PPP2R1A: variants seen among roughly 807,000 people sequenced by gnomAD.
PPP2R1A encodes the protein serine/threonine-protein phosphatase 2A 65 kDa regulatory subunit A alpha isoform.
Under a neutral mutation model 67.1 loss-of-function variants are expected in PPP2R1A, and 15 were observed. The ratio of observed to expected loss-of-function variants is 0.22; its 90% CI spans 0.15 to 0.34. The LOEUF is 0.34. PPP2R1A is among the 10% of genes least tolerant of loss of function. The probability of loss-of-function intolerance (pLI) is 1.00; values close to 1 mark genes in which losing one functional copy is unlikely to be tolerated. For missense variants in PPP2R1A, 369 were observed against 775.0 expected (o/e 0.48, Z 6.22); for synonymous variants, 337 against 325.0 (o/e 1.04, Z -0.40).
chr19:52,224,370 T>G (rs530368817), intron 13 of PPP2R1A, among the ~76,000 whole-genome samples: 1 of 152,374 alleles, frequency 6.6e-6, no homozygotes, highest in East Asian at 1.9e-4. Flanking sequence ...ATGCCTCCTC[T>G]GGGCTCCTGG....
chr19:52,201,415 C>T (rs2089547736), intron 1 of PPP2R1A: 2 of 152,648 alleles, frequency 1.3e-5, no homozygotes, highest in Non-Finnish European at 2.9e-5. Context: ...AAATCCTGCT[C>T]CATGTGATCT....
chr19:52,208,070 A>G (rs1397465755), intron 3 of PPP2R1A, among the ~76,000 whole-genome samples: 1 of 152,156 alleles, frequency 6.6e-6, no homozygotes, highest in Non-Finnish European at 1.5e-5. Context: ...AAACCCAGAG[A>G]TGTGTCAGAC....
At chr19:52,197,995 TTAA>T (rs2089511521) in intron 1 of PPP2R1A, among the ~76,000 whole-genome samples, 1 of 152,372 alleles carries the variant, frequency 6.6e-6, no homozygotes, top group East Asian at 1.9e-4. Flanking sequence ...GATGTCCTTC[TTAA>T]TAATCTGAAC....
In PPP2R1A at chr19:52,219,561, G is replaced by A; in HGVS notation, c.1129-130G>A. ...GCCGTTAATGTGTTCCCAGAACGGG[G>A]AGCTGGGCTTGGACAGGAGTAGTCC... is the stretch of plus-strand genomic sequence containing the variant. On this transcript the variant is annotated intron_variant, in intron 9 of 14. Coordinates refer to ENST00000322088, the MANE Select transcript of PPP2R1A (RefSeq NM_014225.6). The surrounding 1 kb of genome is among the most constrained non-coding windows in gnomAD (Gnocchi z 4.0). The A allele has an allele frequency of 1.1e-6, 1 of 894,162 alleles. No individual in the cohort carries two copies. Among genetic ancestry groups the A allele is most frequent in the Non-Finnish European group, 1.6e-6 (1 of 609,884 alleles). 55.4% of individuals were successfully genotyped at this position (894,162 alleles called of 1,614,324 possible). A position where few individuals can be genotyped will look rare whatever the true frequency, so the allele number is the denominator to read the frequency against.
At chr19:52,190,328 C>A (rs112000537) in intron 1 of PPP2R1A, 154 bp downstream of exon 1, 16 of 865,460 alleles carry the variant, frequency 1.8e-5, no homozygotes, top group East Asian at 5.4e-5. Context: ...GCCCGGACTC[C>A]TTGAGACGGC....
chr19:52,217,251 T>G (rs1469656158), intron 9 of PPP2R1A, among the ~76,000 whole-genome samples: 1 of 152,226 alleles, frequency 6.6e-6, no homozygotes, highest in Admixed American at 6.5e-5. Context: ...CACACTGCAG[T>G]GCAGTGATGT....
intron 3 of PPP2R1A, among the ~76,000 whole-genome samples, chr19:52,208,182 T>G (rs1048219408): frequency 6.6e-6 from 1 of 152,152 alleles, no homozygotes; most frequent in East Asian, 1.9e-4. Context: ...TTTGTTTTTT[T>G]CCCGAGATGG....
chr19:52,201,688 C>T (rs1013549153), intron 1 of PPP2R1A: 3 of 484,996 alleles, frequency 6.2e-6, no homozygotes, highest in Non-Finnish European at 1.1e-5. Context: ...CTGGAAAGTG[C>T]AACTGAGTAG....
intron 2 of PPP2R1A, 65 bp from the exon 3 acceptor site, chr19:52,205,898 T>C (rs1600163519): frequency 7.4e-7 from 1 of 1,359,884 alleles, no homozygotes; most frequent in East Asian, 2.3e-5. Context: ...AGTCCATGTG[T>C]TCTGAGCTTG....
At chr19:52,204,310 G>A (rs1021989163) in intron 2 of PPP2R1A, among the ~76,000 whole-genome samples, 3 of 151,982 alleles carry the variant, frequency 2.0e-5, no homozygotes, top group Non-Finnish European at 2.9e-5. Context: ...AAAGAGTGTC[G>A]GGATTTCTTT....
rs1568598988 is a variant in PPP2R1A, at chr19:52,222,002, G to T, written c.1519-97G>T. The T allele has an allele frequency of 8.5e-6, 11 of 1,293,638 alleles. No homozygotes were observed. The South Asian group carries it at 1.5e-4, about 17-fold the overall frequency. The allele number at this position is 1,293,638 out of a possible 1,614,324, so 80.1% of individuals were successfully genotyped here. On this transcript the variant is annotated intron_variant, in intron 12 of 14. Coordinates refer to ENST00000322088, the MANE Select transcript of PPP2R1A (RefSeq NM_014225.6). The stretch of plus-strand genomic sequence containing the variant: ...ACCCGTATTGCTCAGCCTCTGTGGG[G>T]CCTGATGATCACCAGAGTGGCCTGG...
At position 52,212,719 on chromosome 19, in the gene PPP2R1A, C is replaced by G. The variant is rs201816987; in HGVS notation, c.537C>G (p.Pro179=). 1.1e-5 allele frequency: 18 copies of G among 1,614,102 alleles called. No homozygotes were observed. In the African/African-American group the frequency reaches 2.0e-4, roughly 18 times the overall value. ...YFRNLCSDDT[P]MVRRAAASKL... is the part of the protein sequence containing the mutation. ...GGAACCTGTGCTCAGATGACACCCC[C>G]ATGGTGCGGCGGGCCGCAGCCTCCA... Residue 179 remains proline (P), a synonymous_variant, in exon 5 of 15, where the codon CCC becomes CCG. Coordinates refer to ENST00000322088, the MANE Select transcript of PPP2R1A (RefSeq NM_014225.6). This position sits in a 1 kb window ranked among gnomAD's most constrained non-coding sequence, Gnocchi z 4.1.
intron 6 of PPP2R1A, among the ~76,000 whole-genome samples, chr19:52,214,937 G>T (rs910174066): frequency 1.3e-5 from 2 of 152,168 alleles, no homozygotes; most frequent in African/African-American, 4.8e-5. Flanking sequence ...TGTTGGCCAG[G>T]CTGGTCTCGA....
chr19:52,222,139 A>T lies in PPP2R1A; in HGVS notation c.1559A>T (p.His520Leu). Residue 520 changes from histidine to leucine, a missense_variant, in exon 13 of 15, where the codon CAC becomes CTC. By Grantham distance (99) the His-to-Leu change is moderately conservative. This residue lies in a region of PPP2R1A where 276 missense variants were observed against 508.4 expected (regional missense o/e 0.54). Coordinates refer to ENST00000322088, the MANE Select transcript of PPP2R1A (RefSeq NM_014225.6). ...TGTGGGCAGGACATCACCACCAAGC[A>T]CATGCTACCCACGGTTCTGCGCATG... Reference protein sequence around the residue: ...EVCGQDITTKHMLPTVLRMAG... With the variant: ...EVCGQDITTKLMLPTVLRMAG... 6.2e-7 allele frequency: 1 copy of T among 1,614,038 alleles called. No individual in the cohort carries two copies. Among genetic ancestry groups the T allele is most frequent in the East Asian group, 2.2e-5 (1 of 44,876 alleles).
At chr19:52,218,726 T>C (rs1978734239) in intron 9 of PPP2R1A, among the ~76,000 whole-genome samples, 1 of 152,210 alleles carries the variant, frequency 6.6e-6, no homozygotes, top group Non-Finnish European at 1.5e-5. Flanking sequence ...TTGGGGATCA[T>C]TTTGCCTCTG....
intron 11 of PPP2R1A, among the ~76,000 whole-genome samples, chr19:52,220,703 T>A (rs1247852651): frequency 6.6e-6 from 1 of 152,158 alleles, no homozygotes; most frequent in Non-Finnish European, 1.5e-5. Flanking sequence ...AAGTGCCACA[T>A]AATTTAGGCA....
intron 1 of PPP2R1A, among the ~76,000 whole-genome samples, chr19:52,194,342 CAG>C (rs1355487807): frequency 1.3e-5 from 2 of 151,962 alleles, no homozygotes; most frequent in Non-Finnish European, 2.9e-5. Context: ...GTGACTGAGG[CAG>C]AGAGAATGGC....
intron 3 of PPP2R1A, among the ~76,000 whole-genome samples, chr19:52,210,555 C>T (rs1433274596): frequency 1.4e-5 from 2 of 146,036 alleles, no homozygotes; most frequent in East Asian, 2.0e-4. Context: ...TGCAGTGGTG[C>T]GATCTCGGCT....
rs2089680538 is a variant in PPP2R1A at position 52,212,571 on chromosome 19, A to C, written c.504-115A>C. ...GGGCTGGGAAGACAGAGAGGGGGTC[A>C]TCACTTGCCCAAGGTCATTCAGCTA... On this transcript the variant is annotated intron_variant, in intron 4 of 14. Coordinates refer to ENST00000322088, the MANE Select transcript of PPP2R1A (RefSeq NM_014225.6). This position sits in a 1 kb window ranked among gnomAD's most constrained non-coding sequence, Gnocchi z 4.1. 44 of 1,283,970 alleles carry C rather than the reference A, an allele frequency of 3.4e-5. 1 individual carries two copies. The South Asian group carries it at 5.7e-4, about 17-fold the overall frequency. 79.5% of individuals were successfully genotyped at this position (1,283,970 alleles called of 1,614,324 possible). A position where few individuals can be genotyped will look rare whatever the true frequency, so the allele number is the denominator to read the frequency against.
Sources: gnomAD v4.1 joint callset for allele counts (sites outside exome capture counted in the v4.1 genomes callset) on GRCh38, gnomAD v4.1.1 for gene constraint, gnomAD v4.1.1 regional missense constraint, Gnocchi (gnomAD v3.1) non-coding constraint, MANE v1.5 for transcripts, NCBI Gene and HGNC (gene_info 2026-07-23, HGNC 2026-07-21) for gene names.